CDC42BPB: variants seen among roughly 807,000 people sequenced by gnomAD.
CDC42BPB encodes the protein CDC42 binding protein kinase beta.
A neutral mutation model predicts 214.9 loss-of-function variants in CDC42BPB; 37 were observed. That is an observed-to-expected ratio of 0.17 (90% confidence interval 0.13 to 0.23). The LOEUF is 0.23. Among genes scored for constraint, CDC42BPB ranks in the 10% least tolerant of loss-of-function variants. CDC42BPB has a pLI of 1.00. For missense variants in CDC42BPB, 1,694 were observed against 2,227.0 expected, an observed-to-expected ratio of 0.76 and a Z score of 4.82; for synonymous variants, 931 against 884.0, an observed-to-expected ratio of 1.05 and a Z score of -0.94.
intron 9 of CDC42BPB, 94 bp downstream of exon 9, chr14:102,978,032 C>A: frequency 2.1e-6 from 2 of 953,700 alleles, no homozygotes; most frequent in South Asian, 2.8e-5. Context: ...CACACACCAC[C>A]CACTAGCCCG....
At position 102,978,148 on chromosome 14, in the gene CDC42BPB, C is replaced by T; in HGVS notation, c.1198G>A (p.Gly400Ser). Residue 400 changes from glycine to serine, a missense_variant, in exon 9 of 37, where the codon GGT becomes AGT. Physicochemically the swap from Gly to Ser is moderately conservative, Grantham distance 56 (BLOSUM62 0). Around this residue, in one of 7 missense-constraint regions of CDC42BPB, gnomAD observed 225 missense variants for 459.3 expected, o/e 0.49. Coordinates refer to ENST00000361246, the MANE Select transcript of CDC42BPB (RefSeq NM_006035.4). Reference sequence around the variant, plus strand: ...TACCTTTCCGTTGTGAATGTAAAACCAATGAATGGCAAATGTAATCCAGAA... The same window carrying T: ...TACCTTTCCGTTGTGAATGTAAAACTAATGAATGGCAAATGTAATCCAGAA... ...GFSGLHLPFI[G>S]FTFTTESCFS... 6.2e-7 allele frequency: 1 copy of T among 1,613,596 alleles called. No homozygotes were observed. The highest frequency in any genetic ancestry group is 8.5e-7 in the Non-Finnish European group (1 of 1,179,550).
intron 1 of CDC42BPB, among the ~76,000 whole-genome samples, chr14:103,036,372 G>T (rs1887668194): frequency 6.6e-6 from 1 of 151,852 alleles, no homozygotes; most frequent in South Asian, 2.1e-4. Flanking sequence ...AGCCAGGATG[G>T]TCTCGATCTC....
In CDC42BPB at chr14:102,946,666, C is replaced by A. The variant is rs1892192110; in HGVS notation, c.3550G>T (p.Gly1184Cys). ...AGCGAGCTGGTCTTAGAAGGTGCAC[C>A]TAAGAGAGAGGCCGTCACCTTCATG... ...CIFRVTASLL[G>C]APSKTSSLLI... Residue 1184 changes from glycine to cysteine, a missense_variant, in exon 28 of 37, where the codon GGT (glycine) becomes TGT (cysteine). Gly to Cys is a radical substitution (Grantham distance 159). Transcript: ENST00000361246. 1 of 1,612,554 alleles carries A rather than the reference C, an allele frequency of 6.2e-7. No individual in the cohort carries two copies. Among genetic ancestry groups the A allele is most frequent in the African/African-American group, 1.3e-5 (1 of 74,896 alleles).
rs1894959195 is a variant in CDC42BPB, at chr14:103,001,118, TGTCCCACCCTGTGGA to T, written c.448-1420_448-1406del. On this transcript the variant is annotated intron_variant, in intron 4 of 36. Transcript: ENST00000361246. This position sits in a 1 kb window ranked among gnomAD's most constrained non-coding sequence, Gnocchi z 5.8. ...CATCCCTTCCAAGCCTCTCCACAGCTGTCCCACCCTGTGGAGTCTTCCTCAAGCCTCCCTGCCACC... is the reference window on the plus strand; with the variant it reads ...CATCCCTTCCAAGCCTCTCCACAGCTGTCTTCCTCAAGCCTCCCTGCCACC... Among the ~76,000 whole-genome samples, 1 of 152,216 alleles carries T rather than the reference TGTCCCACCCTGTGGA, an allele frequency of 6.6e-6. No homozygotes were observed. Among genetic ancestry groups the T allele is most frequent in the African/African-American group, 2.4e-5 (1 of 41,446 alleles).
chr14:103,032,489 T>C (rs1887436909), intron 1 of CDC42BPB, among the ~76,000 whole-genome samples: 1 of 147,684 alleles, frequency 6.8e-6, no homozygotes, highest in Admixed American at 6.7e-5. Context: ...CAGTTAAAAC[T>C]TTTGAACAGG....
chr14:102,966,414 T>G, intron 17 of CDC42BPB, 27 bp from the exon 18 acceptor site: 3 of 1,610,426 alleles, frequency 1.9e-6, no homozygotes, highest in Non-Finnish European at 2.5e-6. Flanking sequence ...ATGTTCTATC[T>G]CACGAAGCAT....
In CDC42BPB at chr14:102,997,870, C is replaced by T. The variant is rs571301048; in HGVS notation, c.596+1695G>A. ...CTAATCAGGATGACGTGGAGCCGGG[C>T]GCGGTGGCTCACGCCTGTAATCCCA... is the stretch of plus-strand genomic sequence containing the variant. On this transcript the variant is annotated intron_variant, in intron 5 of 36. Transcript: ENST00000361246. Among the ~76,000 whole-genome samples the T allele has an allele frequency of 6.0e-4, 91 of 152,264 alleles. 1 individual carries two copies. In the South Asian group the frequency reaches 0.019, roughly 31 times the overall value.
At chr14:103,013,901 C>T (rs1000049597) in intron 1 of CDC42BPB, among the ~76,000 whole-genome samples, 8 of 152,210 alleles carry the variant, frequency 5.3e-5, no homozygotes, top group African/African-American at 1.9e-4. Context: ...CGCAGTGGCT[C>T]ACACCTGTAA....
At chr14:102,955,377 G>A (rs1892666773) in intron 21 of CDC42BPB, among the ~76,000 whole-genome samples, 1 of 152,204 alleles carries the variant, frequency 6.6e-6, no homozygotes, top group South Asian at 2.1e-4. Context: ...CCGAGATCAA[G>A]TCATTGCACT....
At chr14:102,939,161 G>C (rs1434181028) in intron 34 of CDC42BPB, among the ~76,000 whole-genome samples, 2 of 151,640 alleles carry the variant, frequency 1.3e-5, no homozygotes, top group Non-Finnish European at 2.9e-5. Context: ...GGATGGTCTC[G>C]ATCTCCTGAC....
In CDC42BPB at chr14:102,938,623, C is replaced by T. The variant is rs116945556; in HGVS notation, c.4828-212G>A. ...AGGGCAGGTCAAATCCTATAAAAAG[C>T]GTACTTTTTTTGTTTGTTTGTTTGA... On this transcript the variant is annotated intron_variant, in intron 34 of 36. Transcript: ENST00000361246. The T allele has an allele frequency of 1.4e-4, 125 of 919,328 alleles. 1 individual carries two copies. The highest frequency in any genetic ancestry group is 6.2e-5 in the Admixed American group (1 of 16,186). The allele number at this position is 919,328 out of a possible 1,614,324, so 56.9% of individuals were successfully genotyped here. A position where few individuals can be genotyped will look rare whatever the true frequency, so the allele number is the denominator to read the frequency against.
intron 24 of CDC42BPB, among the ~76,000 whole-genome samples, chr14:102,951,554 C>T (rs113048981): frequency 6.6e-6 from 1 of 152,008 alleles, no homozygotes; most frequent in East Asian, 1.9e-4. Context: ...TTTGGGAGGC[C>T]GAGGCAGGTG....
Position 102,939,818 on chromosome 14 carries a change from C to A in CDC42BPB, c.4709+12G>T, listed in dbSNP as rs779185138. ...GCGAGGCCCAGCAGGCCCCGTGAGG[C>A]CCCGCTCCTACCGCCTCTGCTGCAG... On this transcript the variant is annotated intron_variant, in intron 33 of 36. Transcript: ENST00000361246. 6.2e-7 allele frequency: 1 copy of A among 1,614,070 alleles called. No individual in the cohort carries two copies. The highest frequency in any genetic ancestry group is 8.5e-7 in the Non-Finnish European group (1 of 1,180,032).
chr14:103,005,630 G>T (rs956595188), intron 3 of CDC42BPB, among the ~76,000 whole-genome samples: 2 of 151,930 alleles, frequency 1.3e-5, no homozygotes, highest in Non-Finnish European at 2.9e-5. Context: ...GGATCGATGA[G>T]CCCAGCTGAG....
intron 26 of CDC42BPB, among the ~76,000 whole-genome samples, chr14:102,949,178 A>T (rs1179734070): frequency 6.6e-6 from 1 of 152,198 alleles, no homozygotes; most frequent in East Asian, 1.9e-4. Context: ...CTTCACAACA[A>T]CATTCCACAT....
chr14:102,986,259 C>T, intron 6 of CDC42BPB: 1 of 447,082 alleles, frequency 2.2e-6, no homozygotes. Flanking sequence ...TTCTGGAAGG[C>T]ACACATATTA....
intron 5 of CDC42BPB, among the ~76,000 whole-genome samples, chr14:102,991,322 T>C (rs1285739596): frequency 2.0e-5 from 3 of 152,206 alleles, no homozygotes; most frequent in Admixed American, 6.5e-5. Context: ...CAAAGAAGTC[T>C]TCTACTGAAA....
intron 32 of CDC42BPB, 23 bp from the exon 33 acceptor site, chr14:102,939,970 G>C (rs373717720): frequency 1.2e-6 from 2 of 1,613,780 alleles, no homozygotes; most frequent in East Asian, 2.2e-5. Context: ...AGCGCGCGGT[G>C]ACGGTGCTGC....
chr14:102,986,282 T>G, intron 6 of CDC42BPB: 4 of 510,244 alleles, frequency 7.8e-6, no homozygotes, highest in Non-Finnish European at 1.4e-5. Context: ...TTTGTAAACA[T>G]AAAAAGCAAT....
Sources: allele counts gnomAD v4.1 joint callset (sites outside exome capture counted in the v4.1 genomes callset), GRCh38; gene constraint gnomAD v4.1.1; regional missense constraint gnomAD v4.1.1; non-coding constraint Gnocchi (gnomAD v3.1); transcripts MANE v1.5; gene names NCBI Gene and HGNC (gene_info 2026-07-23, HGNC 2026-07-21).